The following DSE variants were observed in gnomAD, a reference collection of about 807,000 sequenced individuals.
The protein encoded by DSE is dermatan sulfate epimerase, also known as dermatan-sulfate epimerase.
A neutral mutation model predicts 84.4 loss-of-function variants in DSE; 36 were observed. The observed-to-expected ratio is 0.43, with a 90% CI of 0.33 to 0.56. The LOEUF (loss-of-function observed/expected upper bound fraction) is 0.56. DSE is among the 20% of genes least tolerant of loss of function. DSE has a pLI of 0.06. For missense variants in DSE, 862 were observed against 1,169.6 expected, an observed-to-expected ratio of 0.74 and a Z score of 3.84; for synonymous variants, 410 against 430.1, an observed-to-expected ratio of 0.95 and a Z score of 0.58.
chr6:116,425,146 G>T (rs1352720780), intron 2 of DSE, among the ~76,000 whole-genome samples: 1 of 151,684 alleles, frequency 6.6e-6, no homozygotes, highest in East Asian at 1.9e-4. Context: ...ATTAAATGTT[G>T]GTATTTCATG....
chr6:116,352,139 T>TA (rs11404704), intron 2 of DSE, among the ~76,000 whole-genome samples: 116,366 of 152,118 alleles, frequency 0.76, 45,943 homozygotes, highest in East Asian at 1. Flanking sequence ...TGTAAATATG[T>TA]AAATGAAAGG....
chr6:116,414,081 G>A (rs545858463), intron 2 of DSE, among the ~76,000 whole-genome samples: 3 of 152,198 alleles, frequency 2.0e-5, no homozygotes, highest in Non-Finnish European at 4.4e-5. Flanking sequence ...AGGTTTTTTA[G>A]TGTCGGTGTA....
intron 2 of DSE, among the ~76,000 whole-genome samples, chr6:116,323,452 G>A (rs533875489): frequency 6.6e-6 from 1 of 152,160 alleles, no homozygotes; most frequent in Admixed American, 6.5e-5. Flanking sequence ...TTCAGTGGCA[G>A]CAAGGCAGAT....
intron 2 of DSE, chr6:116,277,366 C>T (rs1407376477): frequency 6.5e-6 from 1 of 152,698 alleles, no homozygotes; most frequent in Non-Finnish European, 1.5e-5. Flanking sequence ...CTCTTAACGA[C>T]AGCACAGTCT....
intron 2 of DSE, among the ~76,000 whole-genome samples, chr6:116,287,747 C>T (rs1774013607): frequency 6.6e-6 from 1 of 152,034 alleles, no homozygotes; most frequent in Non-Finnish European, 1.5e-5. Flanking sequence ...AAAGTAGCAA[C>T]TCTCATTTTT....
chr6:116,278,778 A>G lies in DSE; in HGVS notation c.-54+19811A>G, dbSNP rs373244327. On this transcript the variant is annotated intron_variant, in intron 2 of 3. Coordinates refer to the DSE transcript ENST00000430252. ...CCCTGCGCCATATAATTGGAGTAGAAAGAGACACCACTCGGCCGGAGGATC... is the reference window on the plus strand; with the variant it reads ...CCCTGCGCCATATAATTGGAGTAGAGAGAGACACCACTCGGCCGGAGGATC... The G allele has an allele frequency of 2.5e-6, 4 of 1,614,172 alleles. No homozygotes were observed. In the Admixed American group the frequency reaches 5.0e-5, roughly 20 times the overall value.
At chr6:116,400,758 G>A (rs1339553896) in intron 2 of DSE, 4 of 152,260 alleles carry the variant, frequency 2.6e-5, no homozygotes, top group Admixed American at 6.5e-5. Flanking sequence ...GCTTAGCCAT[G>A]TATGTAGTTG....
intron 2 of DSE, among the ~76,000 whole-genome samples, chr6:116,274,586 A>T (rs1582920260): frequency 6.6e-6 from 1 of 152,302 alleles, no homozygotes; most frequent in Middle Eastern, 3.4e-3. Flanking sequence ...GTCTCAAAAA[A>T]AAAAAAAAGA....
chr6:116,353,660 C>G (rs1778436084), intron 2 of DSE, among the ~76,000 whole-genome samples: 1 of 152,106 alleles, frequency 6.6e-6, no homozygotes, highest in Non-Finnish European at 1.5e-5. Flanking sequence ...AGTAAATTTG[C>G]TTAAGGTTAT....
intron 2 of DSE, among the ~76,000 whole-genome samples, chr6:116,363,377 TTGTGTG>T (rs58017442): frequency 6.6e-6 from 1 of 150,932 alleles, no homozygotes; most frequent in Non-Finnish European, 1.5e-5. Context: ...TGTGTGTGCT[TTGTGTG>T]TGTGTGTGTA....
rs1340598376 is a variant in DSE at position 116,442,762 on chromosome 6, C to T, written c.*5417C>T. 6.6e-6 allele frequency: 1 copy of T among 152,198 alleles called. No individual in the cohort carries two copies. The highest frequency in any genetic ancestry group is 1.5e-5 in the Non-Finnish European group (1 of 68,058). 9.4% of individuals were successfully genotyped at this position (152,198 alleles called of 1,614,324 possible). The stretch of plus-strand genomic sequence containing the variant: ...CAACCATTTTTATGCCTCAGCATAA[C>T]TGAGGGCTACAACATAACACCCATC... On this transcript the variant is annotated 3_prime_UTR_variant, in exon 6 of 6. Coordinates refer to ENST00000644252, the MANE Select transcript of DSE (RefSeq NM_013352.4).
intron 1 of DSE, among the ~76,000 whole-genome samples, chr6:116,374,537 T>C (rs1031270621): frequency 7.2e-5 from 11 of 152,184 alleles, no homozygotes; most frequent in African/African-American, 2.7e-4. Context: ...CTTAAATGCT[T>C]ACTCTATTTC....
chr6:116,283,898 A>G (rs1773705388), intron 2 of DSE, among the ~76,000 whole-genome samples: 1 of 152,194 alleles, frequency 6.6e-6, no homozygotes, highest in East Asian at 1.9e-4. Context: ...TAAACCTCAA[A>G]TTATCTTACA....
At chr6:116,286,520 G>A (rs1773915766) in intron 2 of DSE, among the ~76,000 whole-genome samples, 1 of 152,076 alleles carries the variant, frequency 6.6e-6, no homozygotes, top group Admixed American at 6.6e-5. Flanking sequence ...TTTTATAACA[G>A]ATATCTTCTA....
At chr6:116,317,178 TATTA>T (rs1253605431) in intron 2 of DSE, among the ~76,000 whole-genome samples, 6 of 152,212 alleles carry the variant, frequency 3.9e-5, no homozygotes. Context: ...CAAAGCCAAC[TATTA>T]GAGGAGTCAC....
intron 2 of DSE, among the ~76,000 whole-genome samples, chr6:116,341,677 T>G (rs1777605399): frequency 6.6e-6 from 1 of 152,246 alleles, no homozygotes; most frequent in African/African-American, 2.4e-5. Context: ...GTATAAGGTG[T>G]AAGGAAGGCA....
intron 2 of DSE, among the ~76,000 whole-genome samples, chr6:116,401,946 A>G (rs962942943): frequency 2.0e-5 from 3 of 152,140 alleles, no homozygotes; most frequent in African/African-American, 7.2e-5. Flanking sequence ...ACTTTCTACA[A>G]TAGCTTCATC....
chr6:116,313,347 T>C (rs1775795403), intron 2 of DSE, among the ~76,000 whole-genome samples: 1 of 152,244 alleles, frequency 6.6e-6, no homozygotes. Flanking sequence ...TATTTTATTA[T>C]GGCAGCCTTA....
rs906154630 is a variant in DSE, at chr6:116,444,603, G to C, written c.*7258G>C. Reference sequence around the variant, plus strand: ...AATATGTTGAAACCTAATCCTTAATGTGATAGTATTAGGATGTGGGGCCTT... The same window carrying C: ...AATATGTTGAAACCTAATCCTTAATCTGATAGTATTAGGATGTGGGGCCTT... On this transcript the variant is annotated 3_prime_UTR_variant, in exon 6 of 6. Transcript: ENST00000644252. 1 of 152,190 alleles carries C rather than the reference G, an allele frequency of 6.6e-6. No homozygotes were observed. The highest frequency in any genetic ancestry group is 1.5e-5 in the Non-Finnish European group (1 of 68,026). 9.4% of individuals were successfully genotyped at this position (152,190 alleles called of 1,614,324 possible). A position where few individuals can be genotyped will look rare whatever the true frequency, so the allele number is the denominator to read the frequency against.
Sources: gnomAD v4.1 joint callset for allele counts (sites outside exome capture counted in the v4.1 genomes callset) on GRCh38, gnomAD v4.1.1 for gene constraint, MANE v1.5 for transcripts, NCBI Gene and HGNC (gene_info 2026-07-23, HGNC 2026-07-21) for gene names.